The following FAR1 variants were observed in gnomAD, a reference collection of about 807,000 sequenced individuals.
FAR1 encodes male sterility domain-containing protein 2.
In FAR1, 22 loss-of-function variants were observed where a neutral mutation model predicts 61.1. The ratio of observed to expected loss-of-function variants is 0.36; its 90% CI spans 0.26 to 0.51. The LOEUF is 0.51. FAR1 is among the 20% of genes least tolerant of loss of function. FAR1 has a pLI of 0.95. For missense variants in FAR1, 359 were observed against 626.9 expected (o/e 0.57, Z 4.56); for synonymous variants, 206 against 209.7 (o/e 0.98, Z 0.15).
chr11:13,728,738 G>A lies in FAR1; in HGVS notation c.1512G>A (p.Leu504=), dbSNP rs748892527. The change falls in exon 12 of 12, where the codon TTG becomes TTA. Residue 504 remains leucine (L), a synonymous_variant. Coordinates refer to ENST00000354817, the MANE Select transcript of FAR1 (RefSeq NM_032228.6). ...TGGTTAGTCTGTGTTACAAGTTTTT[G>A]TCATACTTCCGAGCATCCAGCACTA... is the stretch of plus-strand genomic sequence containing the variant. ...YFVVSLCYKF[L]SYFRASSTMR... The A allele has an allele frequency of 1.9e-6, 3 of 1,612,028 alleles. No individual in the cohort carries two copies. Among genetic ancestry groups the A allele is most frequent in the East Asian group, 4.5e-5 (2 of 44,784 alleles).
At chr11:13,714,329 G>C (rs1222089906) in intron 8 of FAR1, among the ~76,000 whole-genome samples, 180 bp from the exon 9 acceptor site, 1 of 152,084 alleles carries the variant, frequency 6.6e-6, no homozygotes, top group Admixed American at 6.6e-5. Flanking sequence ...AACCACTTGA[G>C]TTTAGCAGTC....
chr11:13,695,549 C>A (rs1848299119), intron 2 of FAR1, among the ~76,000 whole-genome samples: 1 of 152,164 alleles, frequency 6.6e-6, no homozygotes, highest in African/African-American at 2.4e-5. Flanking sequence ...ATGAATTTAT[C>A]TGACATTTAC....
At chr11:13,714,400 C>A in intron 8 of FAR1, 109 bp from the exon 9 acceptor site, 3 of 1,120,850 alleles carry the variant, frequency 2.7e-6, no homozygotes, top group Non-Finnish European at 3.7e-6. Context: ...AATGTACGAA[C>A]TCTGACATCT....
intron 1 of FAR1, among the ~76,000 whole-genome samples, chr11:13,684,359 G>A (rs943483371): frequency 2.6e-5 from 4 of 152,196 alleles, no homozygotes; most frequent in Non-Finnish European, 5.9e-5. Flanking sequence ...AAATATTACA[G>A]ATCAGACTGA....
intron 1 of FAR1, among the ~76,000 whole-genome samples, chr11:13,678,096 T>C (rs929000741): frequency 2.0e-5 from 3 of 152,130 alleles, no homozygotes; most frequent in African/African-American, 7.2e-5. Flanking sequence ...ACGTTTTGAG[T>C]ATGCATATGT....
At chr11:13,681,878 T>C (rs1267959799) in intron 1 of FAR1, among the ~76,000 whole-genome samples, 4 of 152,208 alleles carry the variant, frequency 2.6e-5, no homozygotes, top group Non-Finnish European at 5.9e-5. Context: ...ATCCATACTT[T>C]TAAATTCTGT....
intron 10 of FAR1, 137 bp from the exon 11 acceptor site, chr11:13,727,419 T>C: frequency 1.4e-5 from 9 of 634,712 alleles, no homozygotes; most frequent in Non-Finnish European, 1.5e-5. Flanking sequence ...AGCGGTAAGA[T>C]TTCAGAAGTT....
intron 1 of FAR1, among the ~76,000 whole-genome samples, chr11:13,670,845 G>A (rs1025060439): frequency 1.3e-5 from 2 of 152,044 alleles, no homozygotes; most frequent in African/African-American, 4.8e-5. Flanking sequence ...CAGAGAAGAG[G>A]TAGTAGAAAA....
chr11:13,683,210 T>C (rs1444958920), intron 1 of FAR1, among the ~76,000 whole-genome samples: 1 of 151,976 alleles, frequency 6.6e-6, no homozygotes, highest in Non-Finnish European at 1.5e-5. Context: ...CTGGCCAACA[T>C]GGTGAAACCT....
intron 1 of FAR1, among the ~76,000 whole-genome samples, chr11:13,686,049 C>T (rs1188343307): frequency 1.3e-5 from 2 of 152,194 alleles, no homozygotes; most frequent in Non-Finnish European, 2.9e-5. Context: ...CTTGACCTCG[C>T]TGAAGGACAA....
chr11:13,711,063 A>G (rs1304539177), intron 5 of FAR1, 193 bp downstream of exon 5: 3 of 527,308 alleles, frequency 5.7e-6, no homozygotes, highest in Non-Finnish European at 9.8e-6. Context: ...CTGGGTATAT[A>G]GAAATGTAGA....
At chr11:13,694,305 G>A (rs947225137) in intron 1 of FAR1, among the ~76,000 whole-genome samples, 1 of 152,126 alleles carries the variant, frequency 6.6e-6, no homozygotes, top group Non-Finnish European at 1.5e-5. Flanking sequence ...GTGTTGATAC[G>A]CGAATATGAC....
Position 13,694,743 on chromosome 11 carries a change from G to A in FAR1, c.-7-16G>A. The A allele has an allele frequency of 6.3e-7, 1 of 1,589,378 alleles. No homozygotes were observed. The highest frequency in any genetic ancestry group is 8.6e-7 in the Non-Finnish European group (1 of 1,165,808). On this transcript the variant is annotated splice_polypyrimidine_tract_variant and intron_variant, in intron 1 of 11. Coordinates refer to ENST00000354817, the MANE Select transcript of FAR1 (RefSeq NM_032228.6). ...TGAATCCTTAAACTAATGCTTATTTGCCATGTTTTTCTTAGGATCAAAATG... is the reference window on the plus strand; with the variant it reads ...TGAATCCTTAAACTAATGCTTATTTACCATGTTTTTCTTAGGATCAAAATG...
intron 1 of FAR1, among the ~76,000 whole-genome samples, chr11:13,691,119 A>T (rs1031011996): frequency 6.6e-6 from 1 of 152,158 alleles, no homozygotes; most frequent in Non-Finnish European, 1.5e-5. Flanking sequence ...AAATGTACCA[A>T]TTGTTTTGGT....
chr11:13,715,170 CTATG>C (rs1848542353), intron 9 of FAR1, among the ~76,000 whole-genome samples: 1 of 152,094 alleles, frequency 6.6e-6, no homozygotes, highest in Non-Finnish European at 1.5e-5. Flanking sequence ...AGTAAATACA[CTATG>C]TATTGGTAAG....
intron 1 of FAR1, among the ~76,000 whole-genome samples, chr11:13,676,771 C>T (rs1370144087): frequency 1.3e-5 from 2 of 152,136 alleles, no homozygotes; most frequent in Non-Finnish European, 2.9e-5. Context: ...ACAGACTGTT[C>T]GAAGTTCAGT....
intron 1 of FAR1, among the ~76,000 whole-genome samples, chr11:13,680,321 C>T (rs765958553): frequency 1.2e-4 from 19 of 152,220 alleles, no homozygotes; most frequent in East Asian, 3.9e-4. Context: ...TCAAACTCTT[C>T]GCCTCATGCA....
chr11:13,726,145 G>C (rs890278776), intron 10 of FAR1, among the ~76,000 whole-genome samples: 1 of 151,964 alleles, frequency 6.6e-6, no homozygotes, highest in African/African-American at 2.4e-5. Flanking sequence ...TGGTGCAAAA[G>C]TAATTGTGGT....
intron 1 of FAR1, among the ~76,000 whole-genome samples, chr11:13,691,752 A>G (rs920331148): frequency 1.3e-5 from 2 of 152,158 alleles, no homozygotes; most frequent in African/African-American, 4.8e-5. Context: ...ATAAACCACA[A>G]TTTGTTTATT....
Sources: gnomAD v4.1 joint callset for allele counts (sites outside exome capture counted in the v4.1 genomes callset) on GRCh38, gnomAD v4.1.1 for gene constraint, MANE v1.5 for transcripts, NCBI Gene and HGNC (gene_info 2026-07-23, HGNC 2026-07-21) for gene names.